NR3C1: variants seen among roughly 807,000 people sequenced by gnomAD.
NR3C1 encodes the protein nuclear receptor subfamily 3 group C member 1, also known as glucocorticoid receptor.
Under a neutral mutation model 74.0 loss-of-function variants are expected in NR3C1, and 14 were observed. The observed-to-expected ratio is 0.19, with a 90% CI of 0.12 to 0.30. NR3C1 has a LOEUF of 0.30. Among genes scored for constraint, NR3C1 ranks in the 10% least tolerant of loss-of-function variants. The pLI is 1.00. For synonymous variants in NR3C1, 308 were observed against 332.5 expected, an observed-to-expected ratio of 0.93 and a Z score of 0.80; for missense variants, 695 against 909.8, an observed-to-expected ratio of 0.76 and a Z score of 3.04.
intron 1 of NR3C1, among the ~76,000 whole-genome samples, chr5:143,410,086 A>G (rs939909767): frequency 2.0e-5 from 3 of 152,218 alleles, no homozygotes; most frequent in Admixed American, 6.5e-5. Context: ...GAGGCATTAG[A>G]GCAAGCACAC....
At position 143,278,357 on chromosome 5, in the gene NR3C1, TAAGC is replaced by T. The variant is rs1211320759; in HGVS notation, c.*3528_*3531del. On this transcript the variant is annotated 3_prime_UTR_variant, in exon 9 of 9. Coordinates refer to ENST00000394464, the MANE Select transcript of NR3C1 (RefSeq NM_000176.3). ...TGACACACTTGAATCTATATGTAGT[TAAGC>T]AAGTTATTTGAGGAGGGTATTTTCA... The T allele has an allele frequency of 1.3e-5, 2 of 152,204 alleles. No homozygotes were observed. Among genetic ancestry groups the T allele is most frequent in the Non-Finnish European group, 2.9e-5 (2 of 68,032 alleles). The allele number at this position is 152,204 out of a possible 1,614,324, so 9.4% of individuals were successfully genotyped here.
chr5:143,347,987 T>C (rs1386144077), intron 2 of NR3C1, among the ~76,000 whole-genome samples: 1 of 152,130 alleles, frequency 6.6e-6, no homozygotes, highest in Non-Finnish European at 1.5e-5. Context: ...GTTTGTTCAT[T>C]TGGTGTCTTT....
intron 2 of NR3C1, among the ~76,000 whole-genome samples, chr5:143,372,284 CAG>C (rs1834364187): frequency 6.6e-6 from 1 of 152,070 alleles, no homozygotes; most frequent in Admixed American, 6.6e-5. Flanking sequence ...TCTGAATTGC[CAG>C]GATCACCACT....
chr5:143,342,179 C>T (rs1828364193), intron 2 of NR3C1, among the ~76,000 whole-genome samples: 1 of 151,916 alleles, frequency 6.6e-6, no homozygotes, highest in Non-Finnish European at 1.5e-5. Context: ...AATTTCTTTC[C>T]TTCTGGTTAC....
intron 2 of NR3C1, among the ~76,000 whole-genome samples, chr5:143,341,384 CAA>C (rs1277574173): frequency 6.6e-6 from 1 of 152,096 alleles, no homozygotes; most frequent in Non-Finnish European, 1.5e-5. Context: ...TCTATTTAAG[CAA>C]AGTTATTAGA....
chr5:143,425,073 G>C (rs527772750), intron 1 of NR3C1, among the ~76,000 whole-genome samples: 11 of 152,288 alleles, frequency 7.2e-5, no homozygotes, highest in African/African-American at 2.4e-4. Flanking sequence ...GTAGAATTGA[G>C]AGTCCAGAAA....
At chr5:143,405,773 T>C (rs1192203846), upstream of NR3C1, among the ~76,000 whole-genome samples, 2 of 152,162 alleles carry the variant, frequency 1.3e-5, no homozygotes, top group Non-Finnish European at 2.9e-5. Flanking sequence ...AACCCCCTTC[T>C]GGACCCAGAA....
chr5:143,348,038 C>CA (rs1259985484), intron 2 of NR3C1, among the ~76,000 whole-genome samples: 1 of 152,150 alleles, frequency 6.6e-6, no homozygotes, highest in Non-Finnish European at 1.5e-5. Context: ...GGCAGCTTGA[C>CA]AGAGTAAACC....
chr5:143,401,140 G>A lies in NR3C1; in HGVS notation c.-13-288C>T, dbSNP rs112166481. On this transcript the variant is annotated intron_variant, in intron 1 of 8. Coordinates refer to ENST00000394464, the MANE Select transcript of NR3C1 (RefSeq NM_000176.3). Reference sequence around the variant, plus strand: ...CTATTCATCCTGCCGCTCACTGAACGTGTAGCTTTGTTAATCACAGACATT... The same window carrying A: ...CTATTCATCCTGCCGCTCACTGAACATGTAGCTTTGTTAATCACAGACATT... 441 of 420,170 alleles carry A rather than the reference G, an allele frequency of 1.0e-3. 3 individuals are homozygous for A. Among genetic ancestry groups the A allele is most frequent in the African/African-American group, 8.4e-3 (422 of 49,982 alleles). 26.0% of individuals were successfully genotyped at this position (420,170 alleles called of 1,614,324 possible).
Position 143,279,531 on chromosome 5 carries a change from C to T in NR3C1, c.*2358G>A. On this transcript the variant is annotated 3_prime_UTR_variant, in exon 9 of 9. Coordinates refer to ENST00000394464, the MANE Select transcript of NR3C1 (RefSeq NM_000176.3). ...AAATTTATCCAGCCGGGTTACACAC[C>T]ATCTTAAAATATTACATTCCCTTTT... 1.1e-6 allele frequency: 1 copy of T among 939,922 alleles called. No individual in the cohort carries two copies. The highest frequency in any genetic ancestry group is 1.5e-6 in the Non-Finnish European group (1 of 677,610). The allele number at this position is 939,922 out of a possible 1,614,324, so 58.2% of individuals were successfully genotyped here. A position where few individuals can be genotyped will look rare whatever the true frequency, so the allele number is the denominator to read the frequency against.
In NR3C1 at chr5:143,391,363, G is replaced by A. The variant is rs543583044; in HGVS notation, c.1184+8293C>T. Among the ~76,000 whole-genome samples, 8 of 152,204 alleles carry A rather than the reference G, an allele frequency of 5.3e-5. No homozygotes were observed. In the South Asian group the frequency reaches 1.7e-3, roughly 32 times the overall value. On this transcript the variant is annotated intron_variant, in intron 2 of 8. Transcript: ENST00000394464. ...TTCACAATCCTCCCAACTTTATGCAGTTAGGATAAATTTTGGTATTCAATA... is the reference window on the plus strand; with the variant it reads ...TTCACAATCCTCCCAACTTTATGCAATTAGGATAAATTTTGGTATTCAATA...
At chr5:143,312,643 T>C (rs1821213564) in intron 3 of NR3C1, among the ~76,000 whole-genome samples, 1 of 152,230 alleles carries the variant, frequency 6.6e-6, no homozygotes, top group African/African-American at 2.4e-5. Context: ...AATGGGTTTA[T>C]CTGGAGGCAA....
At chr5:143,313,882 C>G in intron 3 of NR3C1, 120 bp downstream of exon 3, 2 of 1,020,720 alleles carry the variant, frequency 2.0e-6, no homozygotes, top group Non-Finnish European at 3.0e-6. Flanking sequence ...CCACCCTCCT[C>G]TCCCCTCTTA....
At chr5:143,420,435 C>T (rs1267191695) in intron 1 of NR3C1, among the ~76,000 whole-genome samples, 5 of 152,204 alleles carry the variant, frequency 3.3e-5, no homozygotes, top group African/African-American at 9.6e-5. Context: ...GAAATCTTCA[C>T]AATCCACGTT....
At chr5:143,395,026 T>G (rs1396641077) in intron 2 of NR3C1, among the ~76,000 whole-genome samples, 3 of 151,980 alleles carry the variant, frequency 2.0e-5, no homozygotes, top group African/African-American at 7.2e-5. Context: ...CAATTAGGTG[T>G]CTGGGGGTTA....
upstream of NR3C1, chr5:143,404,213 G>C (rs1840887122): frequency 6.1e-6 from 6 of 985,292 alleles, no homozygotes; most frequent in South Asian, 2.8e-4. Flanking sequence ...CGCCGCCGCC[G>C]CCGGGCCGAG....
chr5:143,308,004 T>C (rs1472378891), intron 4 of NR3C1, among the ~76,000 whole-genome samples: 3 of 152,366 alleles, frequency 2.0e-5, no homozygotes, highest in African/African-American at 7.2e-5. Context: ...GCTGACACTC[T>C]GCAGTTAAGT....
intron 2 of NR3C1, among the ~76,000 whole-genome samples, chr5:143,373,097 T>C (rs969101652): frequency 3.9e-5 from 6 of 152,180 alleles, no homozygotes; most frequent in African/African-American, 7.2e-5. Context: ...TGTAAAAGAC[T>C]AGCACTAGTA....
At chr5:143,430,220 T>C (rs1751745605) in intron 1 of NR3C1, among the ~76,000 whole-genome samples, 1 of 152,154 alleles carries the variant, frequency 6.6e-6, no homozygotes, top group Non-Finnish European at 1.5e-5. Context: ...CACACATACA[T>C]ATTAACTTTA....
Sources: gnomAD v4.1 joint callset for allele counts (sites outside exome capture counted in the v4.1 genomes callset) on GRCh38, gnomAD v4.1.1 for gene constraint, MANE v1.5 for transcripts, NCBI Gene and HGNC (gene_info 2026-07-23, HGNC 2026-07-21) for gene names.